The following TENM3 variants were observed in gnomAD, a reference collection of about 807,000 sequenced individuals.
The protein encoded by TENM3 is teneurin-3.
In TENM3, 63 loss-of-function variants were observed where a neutral mutation model predicts 255.1. The ratio of observed to expected loss-of-function variants is 0.25; its 90% CI spans 0.20 to 0.30. TENM3 has a LOEUF of 0.30. Ranked by LOEUF, TENM3 falls within the 10% of genes least tolerant of loss-of-function variation. TENM3 has a pLI of 1.00. For missense variants in TENM3, 2,929 were observed against 3,461.1 expected (o/e 0.85, Z 3.86); for synonymous variants, 1,306 against 1,322.3 (o/e 0.99, Z 0.27).
At chr4:181,603,847 T>C in the TENM3 span, among the ~76,000 whole-genome samples, 3 of 152,146 alleles carry the variant, frequency 2.0e-5, no homozygotes, top group African/African-American at 7.2e-5. Flanking sequence ...AGGCTAGAAA[T>C]AAAGATGACT....
intron 2 of TENM3, among the ~76,000 whole-genome samples, chr4:182,336,670 T>G (rs1303679457): frequency 6.6e-6 from 1 of 152,186 alleles, no homozygotes; most frequent in Non-Finnish European, 1.5e-5. Context: ...GGTTTTCAAT[T>G]CAGGGTGAAC....
chr4:182,494,142 T>G (rs949341772), intron 3 of TENM3, among the ~76,000 whole-genome samples: 2 of 152,118 alleles, frequency 1.3e-5, no homozygotes, highest in African/African-American at 4.8e-5. Flanking sequence ...CTAACCAAAA[T>G]CCTTTTTCTT....
At chr4:182,184,725 TTGA>T (rs1285523875) in intron 1 of TENM3, among the ~76,000 whole-genome samples, 6 of 152,178 alleles carry the variant, frequency 3.9e-5, no homozygotes, top group Non-Finnish European at 8.8e-5. Flanking sequence ...TGAGATAGTC[TTGA>T]TGAGTAGAAA....
chr4:181,915,631 G>A, the TENM3 span, among the ~76,000 whole-genome samples: 1 of 140,486 alleles, frequency 7.1e-6, no homozygotes, highest in East Asian at 2.4e-4. Context: ...AGAAAGGAAT[G>A]CAAGAAAGGA....
intron 1 of TENM3, among the ~76,000 whole-genome samples, chr4:182,256,923 A>G (rs1489285262): frequency 6.6e-6 from 1 of 152,056 alleles, no homozygotes; most frequent in African/African-American, 2.4e-5. Flanking sequence ...TAAAAAAAAA[A>G]ACGGTACCCG....
chr4:181,531,129 T>A, the TENM3 span, among the ~76,000 whole-genome samples: 2 of 152,208 alleles, frequency 1.3e-5, no homozygotes, highest in East Asian at 3.9e-4. Context: ...AAATGTCATG[T>A]GGTTATTTTC....
rs796929647 is a variant in TENM3, at chr4:182,411,586, C to T, written c.511+64657C>T. On this transcript the variant is annotated intron_variant, in intron 3 of 27. Transcript: ENST00000511685. Reference sequence around the variant, plus strand: ...AGTCTGGAGGGGGCCCAAGAATATGCATTTTAAATGAGTGTTTCAGATGAT... The same window carrying T: ...AGTCTGGAGGGGGCCCAAGAATATGTATTTTAAATGAGTGTTTCAGATGAT... 7.9e-5 allele frequency among the ~76,000 whole-genome samples: 12 copies of T among 152,278 alleles called. 1 individual carries two copies. The highest frequency in any genetic ancestry group is 2.6e-4 in the African/African-American group (11 of 41,564).
chr4:181,537,991 A>G, the TENM3 span, among the ~76,000 whole-genome samples: 1 of 152,218 alleles, frequency 6.6e-6, no homozygotes, highest in Non-Finnish European at 1.5e-5. Flanking sequence ...GGCTTGGCAT[A>G]GGAGAAGGCT....
the TENM3 span, among the ~76,000 whole-genome samples, chr4:181,564,773 C>G: frequency 6.6e-6 from 1 of 152,186 alleles, no homozygotes; most frequent in East Asian, 1.9e-4. Flanking sequence ...ATTTTTGTAT[C>G]CTTAACGAAG....
chr4:182,223,870 G>A (rs754298211), intron 1 of TENM3, among the ~76,000 whole-genome samples: 15 of 151,026 alleles, frequency 9.9e-5, no homozygotes, highest in East Asian at 1.9e-4. Flanking sequence ...ATTGCCCTCC[G>A]TGTGTGACTA....
intron 5 of TENM3, among the ~76,000 whole-genome samples, chr4:182,647,880 G>T (rs1197911975): frequency 6.6e-6 from 1 of 152,080 alleles, no homozygotes; most frequent in African/African-American, 2.4e-5. Flanking sequence ...CTTTACATTT[G>T]TGCCAAGACA....
chr4:182,297,308 A>C (rs183421348), intron 1 of TENM3, among the ~76,000 whole-genome samples: 201 of 152,322 alleles, frequency 1.3e-3, no homozygotes, highest in Non-Finnish European at 1.6e-3. Flanking sequence ...AAACAGTAGA[A>C]TATTGGCAGT....
At chr4:181,803,714 T>C in the TENM3 span, among the ~76,000 whole-genome samples, 3 of 151,922 alleles carry the variant, frequency 2.0e-5, no homozygotes, top group Non-Finnish European at 4.4e-5. Flanking sequence ...CCTTTAATCA[T>C]GAGGCCAGGA....
At chr4:182,234,667 G>A (rs1756786246) in intron 1 of TENM3, among the ~76,000 whole-genome samples, 1 of 152,258 alleles carries the variant, frequency 6.6e-6, no homozygotes, top group East Asian at 1.9e-4. Flanking sequence ...AGGAGGCGGA[G>A]GTTGCAGTGA....
the TENM3 span, among the ~76,000 whole-genome samples, chr4:181,758,233 A>G: frequency 6.6e-6 from 1 of 152,186 alleles, no homozygotes; most frequent in South Asian, 2.1e-4. Flanking sequence ...CTTTGGGGAC[A>G]TGTATGGGAT....
the TENM3 span, among the ~76,000 whole-genome samples, chr4:181,780,697 A>G: frequency 3.9e-4 from 60 of 152,314 alleles, 2 homozygotes; most frequent in South Asian, 0.012. Flanking sequence ...TGTTTTAGAC[A>G]TGAAGTCCTT....
the TENM3 span, among the ~76,000 whole-genome samples, chr4:182,055,051 C>G: frequency 6.6e-6 from 1 of 152,256 alleles, no homozygotes; most frequent in East Asian, 1.9e-4. Flanking sequence ...TTCCTTCCGT[C>G]TCTATGGATG....
the TENM3 span, among the ~76,000 whole-genome samples, chr4:181,948,249 A>T: frequency 2.0e-5 from 3 of 152,174 alleles, no homozygotes; most frequent in Non-Finnish European, 4.4e-5. Context: ...CACGGGGGGA[A>T]AAAATAGAGA....
chr4:182,123,977 A>G, the TENM3 span, among the ~76,000 whole-genome samples: 1 of 152,200 alleles, frequency 6.6e-6, no homozygotes, highest in Non-Finnish European at 1.5e-5. Context: ...GATGGGAAAG[A>G]CTGCAGAAGG....
Sources: gnomAD v4.1 joint callset for allele counts (sites outside exome capture counted in the v4.1 genomes callset) on GRCh38, gnomAD v4.1.1 for gene constraint, MANE v1.5 for transcripts, NCBI Gene and HGNC (gene_info 2026-07-23, HGNC 2026-07-21) for gene names.